The following IQCM variants were observed in gnomAD, a reference collection of about 807,000 sequenced individuals.
IQCM encodes IQ motif containing M, also known as IQ domain-containing protein M.
In IQCM, 45 loss-of-function variants were observed where a neutral mutation model predicts 57.6. The observed-to-expected ratio is 0.78, with a 90% confidence interval of 0.62 to 1.00. IQCM has a LOEUF of 1.00. Ranked by LOEUF, IQCM falls within the 50% of genes least tolerant of loss-of-function variation. The probability of loss-of-function intolerance (pLI) is 0.00; values close to 1 mark genes in which losing one functional copy is unlikely to be tolerated. For missense variants in IQCM, 468 were observed against 511.6 expected, an observed-to-expected ratio of 0.91 and a Z score of 0.82; for synonymous variants, 148 against 158.9, an observed-to-expected ratio of 0.93 and a Z score of 0.51.
chr4:149,658,574 T>C (rs1165322025), intron 7 of IQCM, among the ~76,000 whole-genome samples: 1 of 151,930 alleles, frequency 6.6e-6, no homozygotes, highest in African/African-American at 2.4e-5. Context: ...TCAGGTAGTA[T>C]AGCCACTTTA....
intron 13 of IQCM, among the ~76,000 whole-genome samples, chr4:149,432,925 C>G (rs939615322): frequency 6.6e-6 from 1 of 151,892 alleles, no homozygotes; most frequent in South Asian, 2.1e-4. Context: ...AAAAAGCTAC[C>G]AATATACATG....
intron 9 of IQCM, among the ~76,000 whole-genome samples, chr4:149,578,230 G>T (rs1751846066): frequency 6.6e-6 from 1 of 151,686 alleles, no homozygotes; most frequent in Admixed American, 6.6e-5. Flanking sequence ...TTGCCTGATT[G>T]TTCTGGCTAA....
intron 12 of IQCM, among the ~76,000 whole-genome samples, chr4:149,507,662 T>A (rs1209410744): frequency 6.6e-6 from 1 of 151,954 alleles, no homozygotes; most frequent in Non-Finnish European, 1.5e-5. Flanking sequence ...AGATATTCAG[T>A]TTTAAAGGGG....
rs192278209 is a variant in IQCM, at chr4:149,560,791, C to A, written c.948+2901G>T. On this transcript the variant is annotated intron_variant, in intron 10 of 13. Coordinates refer to ENST00000636793, the MANE Select transcript of IQCM (RefSeq NM_001363507.2). ...TAATCTTAAACTTCTAGCAGACATTCTAGCAGACACTGTCCACAGCAACAA... is the reference window on the plus strand; with the variant it reads ...TAATCTTAAACTTCTAGCAGACATTATAGCAGACACTGTCCACAGCAACAA... Among the ~76,000 whole-genome samples, 511 of 152,204 alleles carry A rather than the reference C, an allele frequency of 3.4e-3. 5 individuals are homozygous for A. The highest frequency in any genetic ancestry group is 0.015 in the South Asian group (74 of 4,806).
intron 12 of IQCM, among the ~76,000 whole-genome samples, chr4:149,490,514 C>T (rs527379569): frequency 9.7e-4 from 147 of 152,146 alleles, no homozygotes; most frequent in Admixed American, 1.6e-3. Context: ...TGAGCCAAAT[C>T]AGGTAAGACT....
intron 13 of IQCM, among the ~76,000 whole-genome samples, chr4:149,371,739 T>C (rs1364912083): frequency 6.6e-6 from 1 of 152,200 alleles, no homozygotes; most frequent in African/African-American, 2.4e-5. Flanking sequence ...AAAGTTAATT[T>C]TGAGGCTGAA....
chr4:149,552,439 T>A (rs1030120398), intron 11 of IQCM, among the ~76,000 whole-genome samples: 5 of 152,176 alleles, frequency 3.3e-5, no homozygotes, highest in Non-Finnish European at 7.3e-5. Context: ...TCTAATAATC[T>A]ATCCTAATCC....
intron 12 of IQCM, among the ~76,000 whole-genome samples, chr4:149,524,928 T>C (rs1746011580): frequency 1.3e-5 from 2 of 151,842 alleles, no homozygotes; most frequent in South Asian, 2.1e-4. Context: ...TATAAACCAA[T>C]AGTGGTACCA....
rs533589676 is a variant in IQCM, at chr4:149,528,025, G to A, written c.1228+20430C>T. Among the ~76,000 whole-genome samples the A allele has an allele frequency of 5.4e-4, 79 of 147,496 alleles. 1 individual carries two copies. In the South Asian group the frequency reaches 0.016, roughly 29 times the overall value. On this transcript the variant is annotated intron_variant, in intron 12 of 13. Transcript: ENST00000636793. ...TTTTGAGACTGAGTTTTGCTCTATC[G>A]CCCAGGCTGGAGTGCAGTGGCATGA...
intron 12 of IQCM, among the ~76,000 whole-genome samples, chr4:149,449,207 A>G (rs1736826366): frequency 7.6e-6 from 1 of 131,854 alleles, no homozygotes; most frequent in African/African-American, 2.7e-5. Flanking sequence ...CAAGGACACC[A>G]ATTTAACAAG....
At chr4:149,509,047 G>T (rs1032399538) in intron 12 of IQCM, among the ~76,000 whole-genome samples, 5 of 152,164 alleles carry the variant, frequency 3.3e-5, no homozygotes, top group African/African-American at 1.2e-4. Context: ...GACCTTACCA[G>T]CCACATGAAA....
At chr4:149,794,838 T>C (rs1169615063) in intron 2 of IQCM, among the ~76,000 whole-genome samples, 1 of 152,062 alleles carries the variant, frequency 6.6e-6, no homozygotes, top group Non-Finnish European at 1.5e-5. Context: ...GTAAATAATA[T>C]TCAGAATATC....
At chr4:149,485,897 G>T (rs1002564876) in intron 12 of IQCM, among the ~76,000 whole-genome samples, 38 of 152,150 alleles carry the variant, frequency 2.5e-4, no homozygotes, top group Non-Finnish European at 5.3e-4. Flanking sequence ...ATAATGCTGT[G>T]ATTTTTGCAT....
rs141092578 is a variant in IQCM, at chr4:149,809,505, T to C, written c.-49+5806A>G. Among the ~76,000 whole-genome samples, 112 of 152,338 alleles carry C rather than the reference T, an allele frequency of 7.4e-4. 1 individual carries two copies. In the East Asian group the frequency reaches 0.019, roughly 25 times the overall value. ...GATTTTTATTTTTGAAAATAGTATT[T>C]GAATAGGAGTATTTTATAGTTTGAG... On this transcript the variant is annotated intron_variant, in intron 2 of 13. Transcript: ENST00000636793.
At position 149,368,757 on chromosome 4, in the gene IQCM, T is replaced by C. The variant is rs1191751978; in HGVS notation, c.1391-16691A>G. Among the ~76,000 whole-genome samples, 6 of 64,152 alleles carry C rather than the reference T, an allele frequency of 9.4e-5. No individual in the cohort carries two copies. The South Asian group carries it at 4.1e-3, about 44-fold the overall frequency. The allele number at this position is 64,152 out of a possible 152,430, so 42.1% of individuals were successfully genotyped here. ...AAGGCACAAATTATATATATACATG[T>C]ATATATATATATACATATATATACA... is the stretch of plus-strand genomic sequence containing the variant. On this transcript the variant is annotated intron_variant, in intron 13 of 13. Transcript: ENST00000636793.
chr4:149,426,971 G>A (rs1203982729), intron 13 of IQCM, among the ~76,000 whole-genome samples: 1 of 151,918 alleles, frequency 6.6e-6, no homozygotes, highest in African/African-American at 2.4e-5. Flanking sequence ...TTTGCTCAGA[G>A]ACCATGCTTA....
intron 12 of IQCM, among the ~76,000 whole-genome samples, chr4:149,506,202 G>C (rs556392822): frequency 7.9e-4 from 121 of 152,296 alleles, no homozygotes; most frequent in African/African-American, 2.7e-3. Context: ...GGAACATTCA[G>C]GGGTATGTGC....
At chr4:149,686,329 A>AAT in intron 6 of IQCM, 49 bp downstream of exon 6, 1 of 907,862 alleles carries the variant, frequency 1.1e-6, no homozygotes, top group Non-Finnish European at 1.4e-6. Context: ...AATATTGGCA[A>AAT]AGTAGAAGAA....
At chr4:149,431,161 T>C (rs961400119) in intron 13 of IQCM, among the ~76,000 whole-genome samples, 1 of 151,956 alleles carries the variant, frequency 6.6e-6, no homozygotes, top group Non-Finnish European at 1.5e-5. Context: ...ACCGAGATTA[T>C]GCCACTGCAC....
Sources: allele counts gnomAD v4.1 joint callset (sites outside exome capture counted in the v4.1 genomes callset), GRCh38; gene constraint gnomAD v4.1.1; transcripts MANE v1.5; gene names NCBI Gene and HGNC (gene_info 2026-07-23, HGNC 2026-07-21).